Variants in CDH13 observed in about 807,000 individuals in gnomAD.
CDH13 encodes the protein cadherin-13.
In CDH13, 24 loss-of-function variants were observed where a neutral mutation model predicts 63.8. The ratio of observed to expected loss-of-function variants is 0.38; its 90% CI spans 0.27 to 0.53. CDH13 has a LOEUF of 0.53. Among genes scored for constraint, CDH13 ranks in the 20% least tolerant of loss-of-function variants. CDH13 has a pLI of 0.85. For synonymous variants in CDH13, 503 were observed against 355.3 expected (o/e 1.42, Z -4.67); for missense variants, 1,049 against 903.1 (o/e 1.16, Z -2.07).
chr16:83,121,157 C>T (rs1209754265), intron 3 of CDH13, among the ~76,000 whole-genome samples: 1 of 152,172 alleles, frequency 6.6e-6, no homozygotes, highest in Non-Finnish European at 1.5e-5. Flanking sequence ...CTGTCTTATA[C>T]AGAATCTAGT....
At chr16:83,165,373 A>G (rs897767092) in intron 4 of CDH13, among the ~76,000 whole-genome samples, 1 of 152,148 alleles carries the variant, frequency 6.6e-6, no homozygotes, top group African/African-American at 2.4e-5. Context: ...TTGTTGTAGC[A>G]AGAGGCTGGT....
chr16:82,779,423 A>T (rs969585821), intron 1 of CDH13, among the ~76,000 whole-genome samples: 1 of 152,282 alleles, frequency 6.6e-6, no homozygotes, highest in Admixed American at 6.5e-5. Flanking sequence ...CAGGGCTCCT[A>T]ACACAGCAGT....
chr16:82,913,493 A>C (rs1008057407), intron 2 of CDH13, among the ~76,000 whole-genome samples: 1 of 152,138 alleles, frequency 6.6e-6, no homozygotes, highest in Non-Finnish European at 1.5e-5. Flanking sequence ...CCAGGCCACA[A>C]CTATTTTACT....
intron 3 of CDH13, among the ~76,000 whole-genome samples, chr16:83,061,286 A>T (rs2031526592): frequency 6.6e-6 from 1 of 152,190 alleles, no homozygotes; most frequent in African/African-American, 2.4e-5. Flanking sequence ...GGTGACTCTA[A>T]TGGTAGACAA....
At chr16:82,634,153 A>G (rs565507885) in intron 1 of CDH13, among the ~76,000 whole-genome samples, 2 of 152,372 alleles carry the variant, frequency 1.3e-5, no homozygotes, top group East Asian at 3.9e-4. Flanking sequence ...TCAGCCATCA[A>G]CAGCCCTGCC....
intron 10 of CDH13, among the ~76,000 whole-genome samples, chr16:83,689,956 T>C (rs1175912042): frequency 6.6e-6 from 1 of 152,154 alleles, no homozygotes; most frequent in African/African-American, 2.4e-5. Context: ...GAGGCCAAGG[T>C]GGGTGGATCA....
intron 4 of CDH13, among the ~76,000 whole-genome samples, chr16:83,213,998 A>G (rs2039417860): frequency 6.6e-6 from 1 of 152,160 alleles, no homozygotes; most frequent in African/African-American, 2.4e-5. Context: ...TGGGCCAATC[A>G]GCACTCTGTA....
At chr16:83,591,417 G>C (rs1906735262) in intron 7 of CDH13, among the ~76,000 whole-genome samples, 2 of 152,164 alleles carry the variant, frequency 1.3e-5, no homozygotes, top group African/African-American at 4.8e-5. Context: ...AGCCTGTTCT[G>C]TTCTGCTCCT....
intron 1 of CDH13, chr16:82,823,192 A>C (rs900835257): frequency 5.3e-5 from 8 of 152,188 alleles, no homozygotes; most frequent in Non-Finnish European, 8.8e-5. Flanking sequence ...CCTTTGCCAC[A>C]TTTCTTTTTT....
chr16:83,399,955 A>G (rs1217019245), intron 6 of CDH13, among the ~76,000 whole-genome samples: 1 of 152,164 alleles, frequency 6.6e-6, no homozygotes, highest in Non-Finnish European at 1.5e-5. Flanking sequence ...ACAAACACCA[A>G]AAAACCACCT....
intron 7 of CDH13, among the ~76,000 whole-genome samples, chr16:83,513,671 T>C (rs2074628550): frequency 6.6e-6 from 1 of 152,136 alleles, no homozygotes; most frequent in African/African-American, 2.4e-5. Context: ...ACTCATTCAC[T>C]ATCATGAGAA....
chr16:83,086,839 C>T (rs920163672), intron 3 of CDH13, among the ~76,000 whole-genome samples: 1 of 152,068 alleles, frequency 6.6e-6, no homozygotes, highest in African/African-American at 2.4e-5. Flanking sequence ...TCAAATATTG[C>T]TGGCATCATG....
intron 2 of CDH13, among the ~76,000 whole-genome samples, chr16:82,896,276 A>ATTGTTTTTTTT (rs2041253748): frequency 1.1e-5 from 1 of 87,816 alleles, no homozygotes; most frequent in Non-Finnish European, 2.2e-5. Flanking sequence ...TAGGATTAGG[A>ATTGTTTTTTTT]TTTTTTTTTT....
intron 5 of CDH13, among the ~76,000 whole-genome samples, chr16:83,282,422 T>C (rs1365677112): frequency 6.6e-6 from 1 of 152,072 alleles, no homozygotes; most frequent in Non-Finnish European, 1.5e-5. Flanking sequence ...CACAATAAAA[T>C]GACAATGACT....
At position 83,672,365 on chromosome 16, in the gene CDH13, C is replaced by T. The variant is rs189691968; in HGVS notation, c.1284+1393C>T. 1.0e-4 allele frequency among the ~76,000 whole-genome samples: 15 copies of T among 143,646 alleles called. 1 individual carries two copies. The Admixed American group carries it at 1.1e-3, about 10-fold the overall frequency. The allele number at this position is 143,646 out of a possible 152,430, so 94.2% of individuals were successfully genotyped here. ...GATAGATGTCCATCTTCTTCTCTCT[C>T]TATCCTCACATGGTAGATAGAGTGA... On this transcript the variant is annotated intron_variant, in intron 9 of 13. Transcript: ENST00000567109.
intron 2 of CDH13, among the ~76,000 whole-genome samples, chr16:82,865,942 A>G (rs1347704074): frequency 6.6e-6 from 1 of 152,164 alleles, no homozygotes; most frequent in Non-Finnish European, 1.5e-5. Context: ...AAGAGCACCC[A>G]TGTCATGCTT....
chr16:83,344,213 T>C (rs1331861576), intron 5 of CDH13, among the ~76,000 whole-genome samples: 2 of 152,220 alleles, frequency 1.3e-5, no homozygotes, highest in Admixed American at 1.3e-4. Context: ...ATTCTTCGTT[T>C]CCAAGACAAA....
chr16:82,638,467 G>C (rs1448456484), intron 1 of CDH13, among the ~76,000 whole-genome samples: 1 of 152,140 alleles, frequency 6.6e-6, no homozygotes, highest in East Asian at 1.9e-4. Context: ...GGATTTTTGT[G>C]AGAATTAAAT....
chr16:83,687,772 T>C (rs552941914), intron 10 of CDH13, among the ~76,000 whole-genome samples: 7 of 152,286 alleles, frequency 4.6e-5, no homozygotes, highest in African/African-American at 1.4e-4. Flanking sequence ...TCACAGAACT[T>C]TCCAAGTCCA....
Sources: allele counts gnomAD v4.1 joint callset (sites outside exome capture counted in the v4.1 genomes callset), GRCh38; gene constraint gnomAD v4.1.1; transcripts MANE v1.5; gene names NCBI Gene and HGNC (gene_info 2026-07-23, HGNC 2026-07-21).